ITGAE: variants seen among roughly 807,000 people sequenced by gnomAD.
ITGAE encodes the protein integrin subunit alpha E, also known as integrin alpha-E.
A neutral mutation model predicts 136.5 loss-of-function variants in ITGAE; 99 were observed. The observed-to-expected ratio is 0.73, with a 90% confidence interval of 0.62 to 0.86. ITGAE has a LOEUF of 0.86. Among genes scored for constraint, ITGAE ranks in the 40% least tolerant of loss-of-function variants. The pLI, the probability that ITGAE is intolerant of heterozygous loss-of-function variation, is 0.00. For missense variants in ITGAE, 1,447 were observed against 1,515.3 expected (o/e 0.95, Z 0.75); for synonymous variants, 613 against 591.8 (o/e 1.04, Z -0.52).
rs57655393 is a variant in ITGAE at position 3,725,392 on chromosome 17, G to A, written c.3085-1648C>T. Reference sequence around the variant, plus strand: ...TGCCTTCCCACAGAAAAACTGCAACGCTGTGAGAAGATTGGGGAAGGGGTG... The same window carrying A: ...TGCCTTCCCACAGAAAAACTGCAACACTGTGAGAAGATTGGGGAAGGGGTG... On this transcript the variant is annotated intron_variant, in intron 26 of 30. Transcript: ENST00000263087. 4.3e-6 allele frequency: 7 copies of A among 1,614,076 alleles called. No individual in the cohort carries two copies. The highest frequency in any genetic ancestry group is 3.3e-5 in the Admixed American group (2 of 60,012).
chr17:3,719,037 G>A (rs2143005828), intron 29 of ITGAE, among the ~76,000 whole-genome samples: 1 of 152,016 alleles, frequency 6.6e-6, no homozygotes, highest in South Asian at 2.1e-4. Context: ...TTCGAGACCA[G>A]CCTGGCCAAC....
At chr17:3,792,215 G>A (rs1009973961) in intron 1 of ITGAE, among the ~76,000 whole-genome samples, 6 of 152,122 alleles carry the variant, frequency 3.9e-5, no homozygotes, top group Non-Finnish European at 8.8e-5. Flanking sequence ...TCTGCCTCCC[G>A]GGTTCAAGCG....
chr17:3,792,399 G>A (rs909300807), intron 1 of ITGAE, among the ~76,000 whole-genome samples: 1 of 152,210 alleles, frequency 6.6e-6, no homozygotes, highest in Admixed American at 6.5e-5. Flanking sequence ...TTACACGCGT[G>A]AGCCACCGCG....
chr17:3,753,782 C>T lies in ITGAE; in HGVS notation c.1527+1G>A. 6.2e-7 allele frequency: 1 copy of T among 1,614,178 alleles called. No individual in the cohort carries two copies. Among genetic ancestry groups the T allele is most frequent in the Non-Finnish European group, 8.5e-7 (1 of 1,180,028 alleles). On this transcript the variant is annotated splice_donor_variant, in intron 13 of 30. Transcript: ENST00000263087. LOFTEE classifies it high-confidence loss of function. The stretch of plus-strand genomic sequence containing the variant: ...GGGTGGAGGCTTTCCCCAGCAGGTA[C>T]CTGCTCTCCCTCCAGCACTGGCAGG...
At chr17:3,750,582 C>G (rs934393817) in intron 15 of ITGAE, 100 bp from the exon 16 acceptor site, 43 of 1,418,252 alleles carry the variant, frequency 3.0e-5, no homozygotes, top group Non-Finnish European at 4.0e-5. Flanking sequence ...CAGGCACCAT[C>G]CAGCCCCAGG....
intron 1 of ITGAE, among the ~76,000 whole-genome samples, chr17:3,779,771 C>A (rs2052621657): frequency 6.6e-6 from 1 of 152,092 alleles, no homozygotes. Context: ...TATAATTTTT[C>A]AACTTTTCTA....
intron 2 of ITGAE, among the ~76,000 whole-genome samples, chr17:3,777,211 T>G (rs2052564870): frequency 6.6e-6 from 1 of 152,084 alleles, no homozygotes; most frequent in Non-Finnish European, 1.5e-5. Flanking sequence ...TCCGCCCGCC[T>G]CGGCCTCCCA....
intron 19 of ITGAE, 96 bp downstream of exon 19, chr17:3,743,393 C>T (rs1245410671): frequency 2.2e-6 from 3 of 1,392,694 alleles, no homozygotes; most frequent in Non-Finnish European, 9.6e-7. Flanking sequence ...GAAGACATTG[C>T]CTCCCAACTC....
chr17:3,763,889 TCATCCTGGACAAGGGAA>T lies in ITGAE; in HGVS notation c.210_226del (p.Cys70Ter), dbSNP rs2052232420. 6.2e-7 allele frequency: 1 copy of T among 1,613,744 alleles called. No homozygotes were observed. The highest frequency in any genetic ancestry group is 1.1e-5 in the South Asian group (1 of 91,076). ...CTTACCTACAGGATGGCAAAGGATT[TCATCCTGGACAAGGGAA>T]CATCGATGGAGGGGCCCTGGTGTCC... On this transcript the variant is annotated stop_gained and frameshift_variant, in exon 3 of 31. Coordinates refer to ENST00000263087, the MANE Select transcript of ITGAE (RefSeq NM_002208.5). LOFTEE classifies it high-confidence loss of function.
intron 20 of ITGAE, 56 bp from the exon 21 acceptor site, chr17:3,735,005 C>T (rs777505348): frequency 9.4e-6 from 15 of 1,596,490 alleles, no homozygotes; most frequent in South Asian, 2.2e-5. Context: ...AAAACCTCAA[C>T]GCAATACAAT....
chr17:3,795,946 T>C (rs1352970336), intron 1 of ITGAE, among the ~76,000 whole-genome samples: 30 of 148,386 alleles, frequency 2.0e-4, no homozygotes, highest in African/African-American at 6.8e-4. Context: ...TGTGCATCCG[T>C]GTGTGCATCC....
intron 28 of ITGAE, 105 bp downstream of exon 28, chr17:3,723,179 GATCT>G (rs1440859167): frequency 1.3e-6 from 1 of 799,420 alleles, no homozygotes; most frequent in Non-Finnish European, 2.1e-6. Context: ...TGCACCAAAA[GATCT>G]ATTTTGGACA....
chr17:3,755,310 CG>C, intron 11 of ITGAE, 49 bp from the exon 12 acceptor site: 1 of 1,485,000 alleles, frequency 6.7e-7, no homozygotes, highest in Non-Finnish European at 8.9e-7. Context: ...GACCCAAGGC[CG>C]GGCCACGGTG....
At chr17:3,723,412 T>G in intron 27 of ITGAE, 29 bp from the exon 28 acceptor site, 1 of 1,480,764 alleles carries the variant, frequency 6.8e-7, no homozygotes, top group South Asian at 1.1e-5. Flanking sequence ...GTGAACACAA[T>G]TCCTTTCCGT....
chr17:3,744,602 G>A (rs111774313), intron 18 of ITGAE, among the ~76,000 whole-genome samples: 2,333 of 152,028 alleles, frequency 0.015, 40 homozygotes, highest in South Asian at 0.047. Flanking sequence ...ATGCCACCAC[G>A]CCTGGCTAAT....
chr17:3,716,212 C>T (rs929538180), intron 30 of ITGAE, among the ~76,000 whole-genome samples: 9 of 111,218 alleles, frequency 8.1e-5, no homozygotes, highest in Non-Finnish European at 1.3e-4. Context: ...AGGGCAGAGA[C>T]GGGTAGCGGA....
At position 3,726,334 on chromosome 17, in the gene ITGAE, C is replaced by A. The variant is rs547959913; in HGVS notation, c.3084+1585G>T. The A allele has an allele frequency of 1.9e-6, 3 of 1,581,560 alleles. No individual in the cohort carries two copies. The East Asian group carries it at 6.7e-5, about 35-fold the overall frequency. On this transcript the variant is annotated intron_variant, in intron 26 of 30. Transcript: ENST00000263087. ...TGCCAGCACAGTCTGTTTAAGTAAG[C>A]TAAATGTATCTTACTGCCCCGAAAT...
At chr17:3,715,556 C>T (rs2050926569) in intron 30 of ITGAE, among the ~76,000 whole-genome samples, 1 of 152,058 alleles carries the variant, frequency 6.6e-6, no homozygotes, top group Non-Finnish European at 1.5e-5. Flanking sequence ...AATAGTTTGA[C>T]TTGTTGGGAG....
chr17:3,723,188 T>C (rs1473409821), intron 28 of ITGAE, 100 bp downstream of exon 28: 2 of 852,986 alleles, frequency 2.3e-6, no homozygotes, highest in Non-Finnish European at 4.0e-6. Flanking sequence ...AGATCTATTT[T>C]GGACATGGAC....
Sources: gnomAD v4.1 joint callset for allele counts (sites outside exome capture counted in the v4.1 genomes callset) on GRCh38, gnomAD v4.1.1 for gene constraint, MANE v1.5 for transcripts, NCBI Gene and HGNC (gene_info 2026-07-23, HGNC 2026-07-21) for gene names.